The following KHDRBS2 variants were observed in gnomAD, a reference collection of about 807,000 sequenced individuals.
KHDRBS2 encodes KH domain-containing, RNA-binding, signal transduction-associated protein 2.
KHDRBS2 carries 26 observed loss-of-function variants against 44.3 expected under a neutral mutation model. The observed-to-expected ratio is 0.59, with a 90% CI of 0.43 to 0.81. The LOEUF (loss-of-function observed/expected upper bound fraction) is 0.81. Ranked by LOEUF, KHDRBS2 falls within the 40% of genes least tolerant of loss-of-function variation. KHDRBS2 has a pLI of 0.00. For missense variants in KHDRBS2, 476 were observed against 433.1 expected (o/e 1.10, Z -0.88); for synonymous variants, 194 against 151.1 (o/e 1.28, Z -2.08).
intron 6 of KHDRBS2, among the ~76,000 whole-genome samples, chr6:61,801,143 C>T (rs766515512): frequency 1.3e-5 from 2 of 152,134 alleles, no homozygotes; most frequent in Non-Finnish European, 2.9e-5. Flanking sequence ...TCATTCTTTG[C>T]TTTAGTTTTA....
chr6:61,739,112 T>C (rs182361216), intron 6 of KHDRBS2, among the ~76,000 whole-genome samples: 64 of 152,030 alleles, frequency 4.2e-4, no homozygotes, highest in Non-Finnish European at 6.8e-4. Context: ...ATAGAATTTA[T>C]TATACATTCT....
At chr6:62,070,851 A>G (rs1584504660) in intron 2 of KHDRBS2, among the ~76,000 whole-genome samples, 1 of 152,144 alleles carries the variant, frequency 6.6e-6, no homozygotes, top group South Asian at 2.1e-4. Context: ...CTGGGTATAT[A>G]CCCAGCAATG....
At chr6:62,203,276 T>C (rs1390825522) in intron 1 of KHDRBS2, among the ~76,000 whole-genome samples, 1 of 152,022 alleles carries the variant, frequency 6.6e-6, no homozygotes, top group Non-Finnish European at 1.5e-5. Flanking sequence ...AAAACTGAAA[T>C]ACATGTTGGG....
At chr6:61,790,380 C>T (rs1784439097) in intron 6 of KHDRBS2, among the ~76,000 whole-genome samples, 1 of 149,072 alleles carries the variant, frequency 6.7e-6, no homozygotes, top group South Asian at 2.1e-4. Flanking sequence ...TTAATCAAAG[C>T]TTTCACAGTA....
chr6:61,631,568 A>G, the KHDRBS2 span, among the ~76,000 whole-genome samples: 2 of 152,114 alleles, frequency 1.3e-5, no homozygotes, highest in African/African-American at 4.8e-5. Flanking sequence ...ATGAGTTGGT[A>G]TTGTGTCTTG....
In KHDRBS2 at chr6:61,691,083, G is replaced by A. The variant is rs112601885; in HGVS notation, c.952+6112C>T. ...AGTCTGGTATGGAAGCTGAACGTTC[G>A]TATTTTTTTCAAAGCTCAACAGGTG... On this transcript the variant is annotated intron_variant, in intron 8 of 8. Coordinates refer to ENST00000281156, the MANE Select transcript of KHDRBS2 (RefSeq NM_152688.4). Among the ~76,000 whole-genome samples, 268 of 152,074 alleles carry A rather than the reference G, an allele frequency of 1.8e-3. 1 individual carries two copies. Among genetic ancestry groups the A allele is most frequent in the Non-Finnish European group, 3.0e-3 (207 of 67,966 alleles).
chr6:62,143,038 T>G (rs1813186401), intron 2 of KHDRBS2, among the ~76,000 whole-genome samples: 1 of 151,864 alleles, frequency 6.6e-6, no homozygotes, highest in Non-Finnish European at 1.5e-5. Flanking sequence ...TCACTTTAAT[T>G]TCTGCATCTG....
At chr6:62,013,772 C>G (rs1358394336) in intron 3 of KHDRBS2, among the ~76,000 whole-genome samples, 1 of 152,154 alleles carries the variant, frequency 6.6e-6, no homozygotes, top group Non-Finnish European at 1.5e-5. Flanking sequence ...ACACCAGACA[C>G]CATTCCCACA....
At chr6:62,045,942 A>G (rs1237052265) in intron 3 of KHDRBS2, among the ~76,000 whole-genome samples, 3 of 107,792 alleles carry the variant, frequency 2.8e-5, no homozygotes, top group African/African-American at 8.8e-5. Context: ...AAAGCAAGCA[A>G]GTGGAACAAA....
intron 4 of KHDRBS2, among the ~76,000 whole-genome samples, chr6:61,917,389 C>T (rs1485158020): frequency 6.6e-6 from 1 of 151,872 alleles, no homozygotes; most frequent in East Asian, 1.9e-4. Flanking sequence ...GAAAGAATTC[C>T]ATCTGAAAGG....
the KHDRBS2 span, among the ~76,000 whole-genome samples, chr6:61,651,767 G>A: frequency 6.6e-6 from 1 of 152,042 alleles, no homozygotes; most frequent in Non-Finnish European, 1.5e-5. Flanking sequence ...TTAGTCATCA[G>A]AATTTTTTAT....
chr6:61,937,346 A>T (rs1302823735), intron 4 of KHDRBS2, among the ~76,000 whole-genome samples: 4 of 151,732 alleles, frequency 2.6e-5, no homozygotes, highest in Non-Finnish European at 4.4e-5. Context: ...ACCATATCAG[A>T]TATTCTTATT....
intron 6 of KHDRBS2, among the ~76,000 whole-genome samples, chr6:61,740,413 A>G (rs867793835): frequency 2.0e-5 from 3 of 151,926 alleles, no homozygotes; most frequent in Non-Finnish European, 2.9e-5. Context: ...TTTCTATAAC[A>G]TGGTAAAGGG....
intron 3 of KHDRBS2, among the ~76,000 whole-genome samples, chr6:62,010,825 T>G (rs1387632302): frequency 6.6e-6 from 1 of 152,210 alleles, no homozygotes; most frequent in Non-Finnish European, 1.5e-5. Flanking sequence ...TTTAAACTGT[T>G]AATTACCCAA....
chr6:62,135,148 G>C (rs934082958), intron 2 of KHDRBS2, among the ~76,000 whole-genome samples: 1 of 152,160 alleles, frequency 6.6e-6, no homozygotes, highest in Non-Finnish European at 1.5e-5. Context: ...ATTCCCACCT[G>C]TTGTGGGAGG....
chr6:62,169,047 ATATATATATATATATG>A (rs1819295128), intron 2 of KHDRBS2, among the ~76,000 whole-genome samples: 1 of 140,758 alleles, frequency 7.1e-6, no homozygotes, highest in Non-Finnish European at 1.5e-5. Flanking sequence ...ATATATATAT[ATATATATATATATATG>A]TATACATGAA....
intron 4 of KHDRBS2, among the ~76,000 whole-genome samples, chr6:61,959,169 C>T (rs544557058): frequency 1.3e-5 from 2 of 152,276 alleles, no homozygotes; most frequent in East Asian, 3.9e-4. Flanking sequence ...TTGCCTTCTA[C>T]TTCACAGGGA....
Position 61,963,745 on chromosome 6 carries a change from G to T in KHDRBS2, c.483+14321C>A, listed in dbSNP as rs570304240. Among the ~76,000 whole-genome samples, 5 of 152,112 alleles carry T rather than the reference G, an allele frequency of 3.3e-5. No homozygotes were observed. In the South Asian group the frequency reaches 6.2e-4, roughly 19 times the overall value. On this transcript the variant is annotated intron_variant, in intron 4 of 8. Transcript: ENST00000281156. ...ACATAGCCGGCAGGATTTTACAAGG[G>T]TTTCTCCTCATCCCTCACATTTTGA...
intron 2 of KHDRBS2, among the ~76,000 whole-genome samples, chr6:62,061,215 TATG>T (rs1239907158): frequency 6.6e-6 from 1 of 151,724 alleles, no homozygotes; most frequent in Non-Finnish European, 1.5e-5. Context: ...ATCCTGTCAT[TATG>T]ATGTTAGCTG....
Sources: gnomAD v4.1 joint callset for allele counts (sites outside exome capture counted in the v4.1 genomes callset) on GRCh38, gnomAD v4.1.1 for gene constraint, MANE v1.5 for transcripts, NCBI Gene and HGNC (gene_info 2026-07-23, HGNC 2026-07-21) for gene names.